The following CC2D2A variants were observed in gnomAD, a reference collection of about 807,000 sequenced individuals.
CC2D2A encodes the protein coiled-coil and C2 domain-containing protein 2A.
CC2D2A carries 155 observed loss-of-function variants against 212.9 expected under a neutral mutation model. That is an observed-to-expected ratio of 0.73 (90% CI 0.64 to 0.83). The LOEUF is 0.83. CC2D2A is among the 40% of genes least tolerant of loss of function. CC2D2A has a pLI of 0.00. For synonymous variants in CC2D2A, 667 were observed against 686.5 expected, an observed-to-expected ratio of 0.97 and a Z score of 0.44; for missense variants, 1,856 against 1,956.2, an observed-to-expected ratio of 0.95 and a Z score of 0.97.
chr4:15,473,126 T>C (rs187398650), intron 1 of CC2D2A: 2 of 152,314 alleles, frequency 1.3e-5, no homozygotes, highest in East Asian at 3.9e-4. Context: ...ACTTAATCAT[T>C]CATTCGACAA....
intron 1 of CC2D2A, among the ~76,000 whole-genome samples, chr4:15,475,206 G>A (rs923948479): frequency 7.2e-5 from 11 of 152,174 alleles, no homozygotes; most frequent in African/African-American, 2.7e-4. Flanking sequence ...CCTGGAAGGC[G>A]GAGGTTGCAG....
intron 4 of CC2D2A, among the ~76,000 whole-genome samples, chr4:15,497,095 A>C (rs939874656): frequency 2.0e-5 from 3 of 152,214 alleles, no homozygotes; most frequent in African/African-American, 7.2e-5. Flanking sequence ...AAATGAGCCC[A>C]AATAGCCAAC....
At chr4:15,538,430 G>C (rs1718253503) in intron 16 of CC2D2A, among the ~76,000 whole-genome samples, 1 of 152,192 alleles carries the variant, frequency 6.6e-6, no homozygotes, top group Non-Finnish European at 1.5e-5. Context: ...ATCTCTGCCT[G>C]CTCTTCACAG....
In CC2D2A at chr4:15,516,112, G is replaced by A. The variant is rs1046665918; in HGVS notation, c.1017+108G>A. 5 of 1,155,902 alleles carry A rather than the reference G, an allele frequency of 4.3e-6. No homozygotes were observed. In the African/African-American group the frequency reaches 4.8e-5, roughly 11 times the overall value. The allele number at this position is 1,155,902 out of a possible 1,614,324, so 71.6% of individuals were successfully genotyped here. On this transcript the variant is annotated intron_variant, in intron 10 of 36. Transcript: ENST00000424120. ...TCCACTGTACTCATTTCCTCTTGAG[G>A]TTATCCACAGAAAGTGGTTCATTTT...
rs1720019250 is a variant in CC2D2A at position 15,568,796 on chromosome 4, A to C, written c.3399-497A>C. ...AGTGGGTTATGTTACAGGAGACCTTACCCCTGTATTGCTTTACTTATATAC... is the reference window on the plus strand; with the variant it reads ...AGTGGGTTATGTTACAGGAGACCTTCCCCCTGTATTGCTTTACTTATATAC... On this transcript the variant is annotated intron_variant, in intron 26 of 36. Coordinates refer to ENST00000424120, the MANE Select transcript of CC2D2A (RefSeq NM_001378615.1). Among the ~76,000 whole-genome samples, 3 of 152,306 alleles carry C rather than the reference A, an allele frequency of 2.0e-5. No homozygotes were observed. In the South Asian group the frequency reaches 6.2e-4, roughly 32 times the overall value.
intron 15 of CC2D2A, among the ~76,000 whole-genome samples, chr4:15,537,337 T>G (rs1718188031): frequency 6.6e-6 from 1 of 152,238 alleles, no homozygotes; most frequent in South Asian, 2.1e-4. Context: ...TCTGTGCCTA[T>G]TTAAGTAATA....
chr4:15,511,616 G>T (rs951848696), intron 8 of CC2D2A, 193 bp downstream of exon 8: 2 of 422,900 alleles, frequency 4.7e-6, no homozygotes, highest in East Asian at 7.8e-5. Flanking sequence ...CTACAATGTG[G>T]TAGGAAGAAC....
At chr4:15,600,931 A>G (rs921939143) in intron 36 of CC2D2A, among the ~76,000 whole-genome samples, 2 of 151,592 alleles carry the variant, frequency 1.3e-5, no homozygotes, top group African/African-American at 4.8e-5. Context: ...AGAAAAAAGA[A>G]ATGTATTTGT....
At chr4:15,599,470 C>A (rs971639064) in intron 35 of CC2D2A, 59 bp from the exon 36 acceptor site, 2 of 1,170,430 alleles carry the variant, frequency 1.7e-6, no homozygotes, top group Non-Finnish European at 2.4e-6. Context: ...ATACTACATA[C>A]ATTTTTTAAC....
intron 13 of CC2D2A, among the ~76,000 whole-genome samples, chr4:15,529,994 C>T (rs1476046297): frequency 7.6e-6 from 1 of 131,036 alleles, no homozygotes; most frequent in Non-Finnish European, 1.8e-5. Flanking sequence ...TTTTTTGAGA[C>T]GGAGTCTCAC....
At chr4:15,503,019 G>A in intron 6 of CC2D2A, 96 bp downstream of exon 6, 1 of 820,088 alleles carries the variant, frequency 1.2e-6, no homozygotes, top group South Asian at 1.8e-5. Flanking sequence ...GCACAGAGGA[G>A]GTATTAAATG....
intron 6 of CC2D2A, among the ~76,000 whole-genome samples, chr4:15,507,049 G>C (rs1275995927): frequency 6.6e-6 from 1 of 150,582 alleles, no homozygotes; most frequent in African/African-American, 2.4e-5. Flanking sequence ...CTGCACTCCA[G>C]TCTGGGTGAC....
intron 1 of CC2D2A, among the ~76,000 whole-genome samples, chr4:15,473,440 G>A (rs1713967704): frequency 1.3e-5 from 2 of 152,152 alleles, no homozygotes; most frequent in Non-Finnish European, 2.9e-5. Flanking sequence ...CAGATATCTT[G>A]GGAAAAAGGA....
chr4:15,478,793 CAAGA>C lies in CC2D2A; in HGVS notation c.117_120del (p.Lys39AsnfsTer34). On this transcript the variant is annotated frameshift_variant, in exon 3 of 37. Coordinates refer to ENST00000424120, the MANE Select transcript of CC2D2A (RefSeq NM_001378615.1). LOFTEE classifies it high-confidence loss of function. ...AAGAACTCAAAGGTTCGAAGACAGC[CAAGA>C]AAGAAACAGGTAAGAAGTGACAAGA... 1.3e-6 allele frequency: 2 copies of C among 1,553,300 alleles called. No individual in the cohort carries two copies. The highest frequency in any genetic ancestry group is 1.7e-6 in the Non-Finnish European group (2 of 1,147,778).
intron 6 of CC2D2A, among the ~76,000 whole-genome samples, chr4:15,507,440 T>C (rs1286058665): frequency 1.3e-5 from 2 of 152,186 alleles, no homozygotes; most frequent in East Asian, 3.9e-4. Flanking sequence ...ACTTTAGCTG[T>C]ACCTCCAGGT....
chr4:15,537,116 G>T, intron 15 of CC2D2A, 40 bp downstream of exon 15: 1 of 1,594,392 alleles, frequency 6.3e-7, no homozygotes, highest in African/African-American at 1.3e-5. Flanking sequence ...GGGCTGGCCA[G>T]GAAGTGTCTG....
chr4:15,542,700 C>T (rs1429302205), intron 17 of CC2D2A, among the ~76,000 whole-genome samples: 1 of 152,108 alleles, frequency 6.6e-6, no homozygotes, highest in African/African-American at 2.4e-5. Context: ...CCACATAAGC[C>T]CCACTTCAAG....
chr4:15,580,276 A>G (rs1720603122), intron 30 of CC2D2A, 105 bp downstream of exon 30: 2 of 793,412 alleles, frequency 2.5e-6, no homozygotes, highest in Admixed American at 5.5e-5. Context: ...TGTTAACTAT[A>G]TCGAGATCAT....
chr4:15,553,661 AATG>A (rs1426126402), intron 19 of CC2D2A, among the ~76,000 whole-genome samples: 1 of 152,156 alleles, frequency 6.6e-6, no homozygotes, highest in African/African-American at 2.4e-5. Context: ...GTTTGTTGCT[AATG>A]ATGATTGGTG....
Sources: allele counts gnomAD v4.1 joint callset (sites outside exome capture counted in the v4.1 genomes callset), GRCh38; gene constraint gnomAD v4.1.1; transcripts MANE v1.5; gene names NCBI Gene and HGNC (gene_info 2026-07-23, HGNC 2026-07-21).